The following CSMD1 variants were observed in gnomAD, a reference collection of about 807,000 sequenced individuals.
CSMD1 encodes CUB and sushi domain-containing protein 1.
A neutral mutation model predicts 417.5 loss-of-function variants in CSMD1; 213 were observed. The observed-to-expected ratio is 0.51, with a 90% confidence interval of 0.46 to 0.57. The LOEUF (loss-of-function observed/expected upper bound fraction) is 0.57, where lower values mean the gene tolerates loss of function less well. Ranked by LOEUF, CSMD1 falls within the 20% of genes least tolerant of loss-of-function variation. The probability of loss-of-function intolerance (pLI) is 0.00; values close to 1 mark genes in which losing one functional copy is unlikely to be tolerated. For missense variants in CSMD1, 6,923 were observed against 4,529.7 expected (o/e 1.53, Z -15.17); for synonymous variants, 2,862 against 1,736.8 (o/e 1.65, Z -16.11).
At chr8:4,408,014 C>G (rs1299742562) in intron 3 of CSMD1, among the ~76,000 whole-genome samples, 1 of 152,172 alleles carries the variant, frequency 6.6e-6, no homozygotes, top group African/African-American at 2.4e-5. Context: ...CACACACCAG[C>G]TGTCCACTTA....
chr8:4,854,905 G>A (rs1372874786), intron 1 of CSMD1, among the ~76,000 whole-genome samples: 3 of 152,332 alleles, frequency 2.0e-5, no homozygotes, highest in African/African-American at 4.8e-5. Flanking sequence ...ACTGGGTGGA[G>A]CCCAGCACAG....
intron 7 of CSMD1, among the ~76,000 whole-genome samples, chr8:3,654,772 G>C (rs1299856815): frequency 2.0e-5 from 3 of 152,098 alleles, no homozygotes; most frequent in Non-Finnish European, 4.4e-5. Context: ...GGGTAGGACT[G>C]GGTGCTCCCA....
intron 2 of CSMD1, among the ~76,000 whole-genome samples, chr8:4,630,136 C>G (rs893159804): frequency 6.6e-6 from 1 of 152,106 alleles, no homozygotes; most frequent in African/African-American, 2.4e-5. Context: ...AATTCACATG[C>G]CTGTCAAAAC....
intron 1 of CSMD1, chr8:4,787,936 T>A (rs920485092): frequency 1.9e-6 from 3 of 1,593,654 alleles, no homozygotes; most frequent in African/African-American, 1.3e-5. Flanking sequence ...GCTGATGTAA[T>A]TGACAATGAT....
chr8:4,967,543 T>A (rs2030408824), intron 1 of CSMD1, among the ~76,000 whole-genome samples: 2 of 152,172 alleles, frequency 1.3e-5, no homozygotes, highest in African/African-American at 2.4e-5. Flanking sequence ...AAGCCAATAT[T>A]TTCCCCCATG....
At chr8:4,610,589 G>C (rs573567251) in intron 2 of CSMD1, among the ~76,000 whole-genome samples, 8 of 152,090 alleles carry the variant, frequency 5.3e-5, no homozygotes, top group Admixed American at 2.0e-4. Flanking sequence ...TCCCTGCTTT[G>C]GTAAATATCT....
At chr8:3,890,879 G>C (rs796370938) in intron 5 of CSMD1, among the ~76,000 whole-genome samples, 6 of 152,240 alleles carry the variant, frequency 3.9e-5, no homozygotes, top group African/African-American at 1.4e-4. Context: ...GAAAGAGCAA[G>C]ATTTCTTGAG....
intron 25 of CSMD1, among the ~76,000 whole-genome samples, chr8:3,285,938 T>G (rs1408638908): frequency 6.6e-6 from 1 of 152,102 alleles, no homozygotes; most frequent in East Asian, 1.9e-4. Context: ...ACCCATTAAC[T>G]CACCATTTAA....
chr8:3,993,740 GA>G (rs1306985365), intron 5 of CSMD1, among the ~76,000 whole-genome samples: 1 of 152,218 alleles, frequency 6.6e-6, no homozygotes, highest in East Asian at 1.9e-4. Flanking sequence ...CAAAGCGGAA[GA>G]AATGTTCTTG....
chr8:3,672,430 G>C (rs763688505), intron 7 of CSMD1, among the ~76,000 whole-genome samples: 1 of 152,116 alleles, frequency 6.6e-6, no homozygotes, highest in African/African-American at 2.4e-5. Context: ...GGGTGTGCTG[G>C]TATCAGAGTG....
At chr8:4,596,913 G>A (rs1800311129) in intron 2 of CSMD1, among the ~76,000 whole-genome samples, 1 of 152,094 alleles carries the variant, frequency 6.6e-6, no homozygotes, top group Non-Finnish European at 1.5e-5. Context: ...AGATCTGATG[G>A]GTTTATCAGG....
chr8:4,613,815 G>A (rs1005513224), intron 2 of CSMD1, among the ~76,000 whole-genome samples: 4 of 144,880 alleles, frequency 2.8e-5, no homozygotes, highest in Non-Finnish European at 6.0e-5. Flanking sequence ...ATGGGAAATG[G>A]TTCAATGATG....
intron 1 of CSMD1, among the ~76,000 whole-genome samples, chr8:4,944,672 G>A (rs1271750705): frequency 6.6e-6 from 1 of 152,120 alleles, no homozygotes; most frequent in Non-Finnish European, 1.5e-5. Flanking sequence ...GATCATTAGA[G>A]GAATGCAAAT....
At chr8:3,529,134 T>C (rs1036129172) in intron 10 of CSMD1, among the ~76,000 whole-genome samples, 2 of 152,196 alleles carry the variant, frequency 1.3e-5, no homozygotes, top group Non-Finnish European at 2.9e-5. Context: ...CATTAAAATA[T>C]CCAATTGTGT....
intron 5 of CSMD1, among the ~76,000 whole-genome samples, chr8:3,765,569 G>C (rs1200803656): frequency 2.0e-5 from 3 of 152,190 alleles, no homozygotes; most frequent in African/African-American, 7.2e-5. Context: ...GCCTTAACAA[G>C]TCAATTCTAA....
chr8:4,126,692 T>C (rs1714790), intron 3 of CSMD1, among the ~76,000 whole-genome samples: 151,305 of 152,274 alleles, frequency 0.99, 75,178 homozygotes, highest in Middle Eastern at 1. Flanking sequence ...AATCATTGGT[T>C]GGTTACTTCA....
chr8:3,318,777 C>G (rs9644337), intron 23 of CSMD1, among the ~76,000 whole-genome samples: 1 of 151,866 alleles, frequency 6.6e-6, no homozygotes, highest in Non-Finnish European at 1.5e-5. Flanking sequence ...AAGCCAGATC[C>G]GAGCACAGGG....
At chr8:3,119,609 T>G (rs1411375565) in intron 41 of CSMD1, among the ~76,000 whole-genome samples, 1 of 152,180 alleles carries the variant, frequency 6.6e-6, no homozygotes, top group Non-Finnish European at 1.5e-5. Context: ...AAATCAGGTA[T>G]CATCTGATAC....
chr8:4,683,225 G>C (rs1322695733), intron 1 of CSMD1, among the ~76,000 whole-genome samples: 1 of 151,906 alleles, frequency 6.6e-6, no homozygotes, highest in Non-Finnish European at 1.5e-5. Context: ...TTACCATGAA[G>C]AGTCTAATGA....
Sources: gnomAD v4.1 joint callset for allele counts (sites outside exome capture counted in the v4.1 genomes callset) on GRCh38, gnomAD v4.1.1 for gene constraint, MANE v1.5 for transcripts, NCBI Gene and HGNC (gene_info 2026-07-23, HGNC 2026-07-21) for gene names.